The following KLHL35 variants were observed in gnomAD, a reference collection of about 807,000 sequenced individuals.
KLHL35 encodes kelch-like protein 35.
Under a neutral mutation model 44.0 loss-of-function variants are expected in KLHL35, and 50 were observed. The observed-to-expected ratio is 1.14, with a 90% CI of 0.91 to 1.44. KLHL35 has a LOEUF of 1.44. KLHL35 is among the 40% of genes most tolerant of loss of function. KLHL35 has a pLI of 0.00. For missense variants in KLHL35, 1,049 were observed against 887.8 expected (o/e 1.18, Z -2.31); for synonymous variants, 470 against 410.4 (o/e 1.15, Z -1.76).
In KLHL35 at chr11:75,429,767, A is replaced by G. The variant is rs1302306553; in HGVS notation, c.863T>C (p.Leu288Pro). The change falls in exon 2 of 7, where the codon CTG (leucine) becomes CCG (proline). Residue 288 changes from leucine (L) to proline (P), a missense_variant. Leu to Pro is a moderately conservative substitution (Grantham distance 98, BLOSUM62 -3). Coordinates refer to ENST00000539798, the MANE Select transcript of KLHL35 (RefSeq NM_001039548.3). ...GCCCTACCTCCGCGGCCGGGTCCGC[A>G]GCGCACCGGCCTCGCGGCCCAGGAT... ...CFILGREAGA[L>P]RTRPRRFMDL... 6 of 1,489,646 alleles carry G rather than the reference A, an allele frequency of 4.0e-6. No homozygotes were observed. Among genetic ancestry groups the G allele is most frequent in the Non-Finnish European group, 5.3e-6 (6 of 1,125,420 alleles). 92.3% of individuals were successfully genotyped at this position (1,489,646 alleles called of 1,614,324 possible).
chr11:75,430,240 C>A lies in KLHL35; in HGVS notation c.390G>T (p.Ala130=), dbSNP rs1948524471. ...GCAGGCCCGCCACGCCCAGCCGCTCCGCCAGCGCCAGCACGGCCGCCGCCT... is the reference window on the plus strand; with the variant it reads ...GCAGGCCCGCCACGCCCAGCCGCTCAGCCAGCGCCAGCACGGCCGCCGCCT... The part of the protein sequence containing the change: ...EDEAAAVLAL[A]ERLGVAGLRE... The change falls in exon 2 of 7, where the codon GCG becomes GCT. Residue 130 remains alanine, a synonymous_variant. Transcript: ENST00000539798. The A allele has an allele frequency of 2.5e-6, 3 of 1,215,880 alleles. No individual in the cohort carries two copies. Among genetic ancestry groups the A allele is most frequent in the Non-Finnish European group, 2.1e-6 (2 of 975,236 alleles). 75.3% of individuals were successfully genotyped at this position (1,215,880 alleles called of 1,614,324 possible). A position where few individuals can be genotyped will look rare whatever the true frequency, so the allele number is the denominator to read the frequency against.
chr11:75,430,332 C>T lies in KLHL35; in HGVS notation c.298G>A (p.Ala100Thr), dbSNP rs1182397240. 2.3e-6 allele frequency: 3 copies of T among 1,277,418 alleles called. No homozygotes were observed. Among genetic ancestry groups the T allele is most frequent in the Admixed American group, 3.8e-5 (1 of 26,320 alleles). 79.1% of individuals were successfully genotyped at this position (1,277,418 alleles called of 1,614,324 possible). The change falls in exon 2 of 7, where the codon GCG (alanine) becomes ACG (threonine). Residue 100 changes from alanine to threonine, a missense_variant. Physicochemically the swap from Ala to Thr is moderately conservative, Grantham distance 58. Coordinates refer to ENST00000539798, the MANE Select transcript of KLHL35 (RefSeq NM_001039548.3). ...EAPGTSPAGA[A>T]AALAVVLDYV... is the part of the protein sequence containing the mutation. ...TCGAGCACCACGGCCAGCGCCGCCGCCGCCCCGGCCGGGCTCGTGCCTGGC... is the reference window on the plus strand; with the variant it reads ...TCGAGCACCACGGCCAGCGCCGCCGTCGCCCCGGCCGGGCTCGTGCCTGGC...
chr11:75,430,447 CG>C lies in KLHL35; in HGVS notation c.182del (p.Ala61GlyfsTer27). On this transcript the variant is annotated frameshift_variant, in exon 2 of 7. Transcript: ENST00000539798. LOFTEE classifies it high-confidence loss of function. Reference protein sequence around the residue: ...DFPCHRAALSAGSAYFRSLFA... With the variant: ...DFPCHRAALSXGSAYFRSLFA... Reference sequence around the variant, plus strand: ...ACAAGCTGCGGAAGTAGGCGCTGCCCGCGCTGAGCGCCGCGCGGTGGCACGG... The same window carrying C: ...ACAAGCTGCGGAAGTAGGCGCTGCCCCGCTGAGCGCCGCGCGGTGGCACGG... The C allele has an allele frequency of 7.2e-7, 1 of 1,390,036 alleles. No individual in the cohort carries two copies. The highest frequency in any genetic ancestry group is 1.5e-5 in the South Asian group (1 of 65,568). 86.1% of individuals were successfully genotyped at this position (1,390,036 alleles called of 1,614,324 possible). A position where few individuals can be genotyped will look rare whatever the true frequency, so the allele number is the denominator to read the frequency against.
intron 1 of KLHL35, among the ~76,000 whole-genome samples, chr11:75,432,460 AG>A (rs771080631): frequency 3.4e-4 from 52 of 152,214 alleles, no homozygotes; most frequent in Non-Finnish European, 7.1e-4. Flanking sequence ...GACCGGTGGA[AG>A]GAAGTGAGAC....
intron 4 of KLHL35, chr11:75,426,177 G>A (rs542748764): frequency 7.7e-5 from 13 of 169,854 alleles, no homozygotes; most frequent in East Asian, 1.6e-4. Context: ...GGATGGTCTG[G>A]ATCTCCTGAC....
Position 75,430,247 on chromosome 11 carries a change from GC to G in KLHL35, c.382del (p.Ala128ArgfsTer29). The G allele has an allele frequency of 8.3e-7, 1 of 1,211,588 alleles. No individual in the cohort carries two copies. Among genetic ancestry groups the G allele is most frequent in the South Asian group, 2.7e-5 (1 of 37,454 alleles). The allele number at this position is 1,211,588 out of a possible 1,614,324, so 75.1% of individuals were successfully genotyped here. On this transcript the variant is annotated frameshift_variant, in exon 2 of 7. Transcript: ENST00000539798. LOFTEE classifies it high-confidence loss of function. Reference sequence around the variant, plus strand: ...CGCCACGCCCAGCCGCTCCGCCAGCGCCAGCACGGCCGCCGCCTCGTCCTCC... The same window carrying G: ...CGCCACGCCCAGCCGCTCCGCCAGCGCAGCACGGCCGCCGCCTCGTCCTCC... ...RAEDEAAAVL[A>X]LAERLGVAGL...
chr11:75,431,201 CCT>C (rs1460708587), intron 1 of KLHL35, among the ~76,000 whole-genome samples: 1 of 152,178 alleles, frequency 6.6e-6, no homozygotes, highest in Admixed American at 6.5e-5. Flanking sequence ...ACTCCACCGC[CCT>C]CTGCTCAATC....
In KLHL35 at chr11:75,428,593, G is replaced by A. The variant is rs1170872968; in HGVS notation, c.915C>T (p.Ile305=). ...FMDLAEVIVV[I]GGCDRKGLLK... is the part of the protein sequence containing the mutation. ...GGAGACCTTTGCGGTCGCAACCGCC[G>A]ATGACCACGATCACTTCAGCTAGGT... Residue 305 remains isoleucine, a synonymous_variant, in exon 3 of 7, where the codon ATC becomes ATT. Transcript: ENST00000539798. 5.0e-6 allele frequency: 8 copies of A among 1,604,362 alleles called. No homozygotes were observed. The highest frequency in any genetic ancestry group is 1.7e-5 in the Admixed American group (1 of 59,554).
At chr11:75,431,093 G>A (rs940651716) in intron 1 of KLHL35, among the ~76,000 whole-genome samples, 2 of 152,122 alleles carry the variant, frequency 1.3e-5, no homozygotes, top group Non-Finnish European at 2.9e-5. Flanking sequence ...TCTGTGTAAG[G>A]AGGGTCCCGT....
In KLHL35 at chr11:75,428,645, C is replaced by T; in HGVS notation, c.882-19G>A. 2.6e-6 allele frequency: 4 copies of T among 1,555,628 alleles called. No homozygotes were observed. Among genetic ancestry groups the T allele is most frequent in the Non-Finnish European group, 3.5e-6 (4 of 1,150,370 alleles). ...CATGAATCTGGCGTGCGGATAAGCC[C>T]AGTGCCTGTTGGGCCGCACCCAAGT... On this transcript the variant is annotated intron_variant, in intron 2 of 6. Transcript: ENST00000539798.
chr11:75,423,672 G>A lies in KLHL35; in HGVS notation c.1563+20C>T. On this transcript the variant is annotated intron_variant, in intron 6 of 6. Coordinates refer to ENST00000539798, the MANE Select transcript of KLHL35 (RefSeq NM_001039548.3). ...CCTTAGAAGCGGGTTCCGCTCTCCTGCCTTGAAGCCTCCACTTACCACAGG... is the reference window on the plus strand; with the variant it reads ...CCTTAGAAGCGGGTTCCGCTCTCCTACCTTGAAGCCTCCACTTACCACAGG... The A allele has an allele frequency of 6.2e-7, 1 of 1,609,364 alleles. No individual in the cohort carries two copies. Among genetic ancestry groups the A allele is most frequent in the Non-Finnish European group, 8.5e-7 (1 of 1,176,752 alleles).
chr11:75,430,229 C>T lies in KLHL35; in HGVS notation c.401G>A (p.Gly134Asp). ...AAVLALAERL[G>D]VAGLREACVR... The stretch of plus-strand genomic sequence containing the variant: ...GCAGGCCTCGCGCAGGCCCGCCACG[C>T]CCAGCCGCTCCGCCAGCGCCAGCAC... Residue 134 changes from glycine to aspartate, a missense_variant, in exon 2 of 7, where the codon GGC (glycine) becomes GAC (aspartate). By Grantham distance (94) the Gly-to-Asp change is moderately conservative. Coordinates refer to ENST00000539798, the MANE Select transcript of KLHL35 (RefSeq NM_001039548.3). The T allele has an allele frequency of 8.2e-7, 1 of 1,219,260 alleles. No individual in the cohort carries two copies. The highest frequency in any genetic ancestry group is 1.0e-6 in the Non-Finnish European group (1 of 976,522). The allele number at this position is 1,219,260 out of a possible 1,614,324, so 75.5% of individuals were successfully genotyped here. A position where few individuals can be genotyped will look rare whatever the true frequency, so the allele number is the denominator to read the frequency against.
Position 75,428,459 on chromosome 11 carries a change from T to C in KLHL35, c.1049A>G (p.Asn350Ser), listed in dbSNP as rs1326993273. ...RSEFAACALR[N>S]DVYVSGGHIN... Reference sequence around the variant, plus strand: ...GCCCTCACCGGAGACGTAGACGTCATTGCGGAGAGCACAGGCGGCGAATTC... The same window carrying C: ...GCCCTCACCGGAGACGTAGACGTCACTGCGGAGAGCACAGGCGGCGAATTC... Residue 350 changes from asparagine (N) to serine (S), a missense_variant, in exon 3 of 7, where the codon AAT (asparagine) becomes AGT (serine). Transcript: ENST00000539798. The C allele has an allele frequency of 5.6e-6, 9 of 1,612,400 alleles. No homozygotes were observed. The East Asian group carries it at 8.9e-5, about 16-fold the overall frequency.
Position 75,422,772 on chromosome 11 carries a change from G to C in KLHL35, c.1564-4C>G, listed in dbSNP as rs759294966. On this transcript the variant is annotated splice_region_variant and splice_polypyrimidine_tract_variant and intron_variant, in intron 6 of 6. Transcript: ENST00000539798. ...ACACAGTGACTCCACAGCTTTCCTGGGTGGACAAACAGAAAGACAACTATC... is the reference window on the plus strand; with the variant it reads ...ACACAGTGACTCCACAGCTTTCCTGCGTGGACAAACAGAAAGACAACTATC... 1 of 1,607,444 alleles carries C rather than the reference G, an allele frequency of 6.2e-7. No individual in the cohort carries two copies. Among genetic ancestry groups the C allele is most frequent in the South Asian group, 1.1e-5 (1 of 91,002 alleles).
chr11:75,426,794 C>T (rs1403657863), intron 3 of KLHL35, 156 bp from the exon 4 acceptor site: 2 of 532,872 alleles, frequency 3.8e-6, no homozygotes, highest in East Asian at 6.0e-5. Flanking sequence ...ACCTGTGACC[C>T]AGTGTGCTTT....
chr11:75,427,668 G>A (rs1948502665), intron 3 of KLHL35, among the ~76,000 whole-genome samples: 1 of 152,144 alleles, frequency 6.6e-6, no homozygotes, highest in African/African-American at 2.4e-5. Context: ...CAGACTCAAA[G>A]CCTCCCTGAT....
At chr11:75,424,522 T>A (rs1948475315) in intron 5 of KLHL35, 2 of 151,522 alleles carry the variant, frequency 1.3e-5, no homozygotes, top group African/African-American at 5.0e-5. Flanking sequence ...CCTCACTCTC[T>A]GTTTCCTCAA....
intron 1 of KLHL35, among the ~76,000 whole-genome samples, chr11:75,432,184 C>T (rs1004042372): frequency 1.3e-5 from 2 of 152,148 alleles, no homozygotes; most frequent in African/African-American, 2.4e-5. Context: ...CCACCCTCTG[C>T]GCCCTGCCTC....
At chr11:75,424,711 G>T (rs1948476220) in intron 5 of KLHL35, 1 of 152,250 alleles carries the variant, frequency 6.6e-6, no homozygotes, top group African/African-American at 2.4e-5. Flanking sequence ...AAAGAGTCAA[G>T]TCCTAGGACC....
Sources: allele counts gnomAD v4.1 joint callset (sites outside exome capture counted in the v4.1 genomes callset), GRCh38; gene constraint gnomAD v4.1.1; transcripts MANE v1.5; gene names NCBI Gene and HGNC (gene_info 2026-07-23, HGNC 2026-07-21).